PLD5: variants seen among roughly 807,000 people sequenced by gnomAD.
PLD5 encodes inactive phospholipase D5.
PLD5 carries 36 observed loss-of-function variants against 61.1 expected under a neutral mutation model. That is an observed-to-expected ratio of 0.59 (90% CI 0.45 to 0.78). The LOEUF (loss-of-function observed/expected upper bound fraction) is 0.78, where lower values mean the gene tolerates loss of function less well. Among genes scored for constraint, PLD5 ranks in the 30% least tolerant of loss-of-function variants. PLD5 has a pLI of 0.00. For missense variants in PLD5, 515 were observed against 644.4 expected, an observed-to-expected ratio of 0.80 and a Z score of 2.17; for synonymous variants, 243 against 242.8, an observed-to-expected ratio of 1.00 and a Z score of -0.01.
intron 5 of PLD5, among the ~76,000 whole-genome samples, chr1:242,216,181 CA>C (rs1670184272): frequency 6.6e-6 from 1 of 152,180 alleles, no homozygotes; most frequent in African/African-American, 2.4e-5. Flanking sequence ...GATGCAAAGT[CA>C]GAATAACAGC....
intron 4 of PLD5, among the ~76,000 whole-genome samples, chr1:242,227,240 T>C (rs2149028019): frequency 6.6e-6 from 1 of 152,214 alleles, no homozygotes; most frequent in Non-Finnish European, 1.5e-5. Flanking sequence ...TTTTAAGAGA[T>C]GGTCTCCCTA....
At chr1:242,255,346 G>T (rs1340252760) in intron 4 of PLD5, among the ~76,000 whole-genome samples, 3 of 152,164 alleles carry the variant, frequency 2.0e-5, no homozygotes, top group Non-Finnish European at 4.4e-5. Context: ...TTAGATTTTG[G>T]AATAATTATA....
In PLD5 at chr1:242,098,831, C is replaced by A. The variant is rs542773266; in HGVS notation, c.1354+1837G>T. Among the ~76,000 whole-genome samples the A allele has an allele frequency of 1.2e-3, 184 of 152,294 alleles. 2 individuals carry two copies. The highest frequency in any genetic ancestry group is 4.2e-3 in the African/African-American group (174 of 41,560). On this transcript the variant is annotated intron_variant, in intron 9 of 9. Coordinates refer to ENST00000536534, the MANE Select transcript of PLD5 (RefSeq NM_001372062.1). The stretch of plus-strand genomic sequence containing the variant: ...GAGTTTGCTGGAGGTCCACTCCAGA[C>A]CCTGTTTGCCTGGGTATCAGCAGTG...
At chr1:242,257,446 C>G (rs1478980950) in intron 4 of PLD5, among the ~76,000 whole-genome samples, 5 of 152,162 alleles carry the variant, frequency 3.3e-5, no homozygotes, top group Non-Finnish European at 1.5e-5. Flanking sequence ...TGTGCTGGAC[C>G]ATCAGGAGAA....
chr1:242,139,100 G>A (rs547900929), intron 5 of PLD5, among the ~76,000 whole-genome samples: 12 of 152,242 alleles, frequency 7.9e-5, no homozygotes, highest in African/African-American at 2.6e-4. Flanking sequence ...TGACAACACT[G>A]CAAGGGTTTT....
chr1:242,521,676 GA>G (rs1418397912), intron 1 of PLD5, among the ~76,000 whole-genome samples: 1 of 105,188 alleles, frequency 9.5e-6, no homozygotes, highest in African/African-American at 3.5e-5. Context: ...TGATTAGACA[GA>G]CCAGAAGGGT....
intron 1 of PLD5, among the ~76,000 whole-genome samples, chr1:242,449,645 G>A (rs1666700970): frequency 6.6e-6 from 1 of 152,080 alleles, no homozygotes; most frequent in African/African-American, 2.4e-5. Context: ...CAAGCACTGG[G>A]GACTGCTATG....
chr1:242,359,947 CAGAG>C (rs961986486), intron 1 of PLD5, among the ~76,000 whole-genome samples: 3 of 151,954 alleles, frequency 2.0e-5, no homozygotes, highest in African/African-American at 7.3e-5. Flanking sequence ...TTATGTGTAA[CAGAG>C]AGGCAGAGAG....
intron 1 of PLD5, among the ~76,000 whole-genome samples, chr1:242,359,171 TGTTTC>T (rs1173520220): frequency 1.3e-5 from 2 of 152,190 alleles, no homozygotes; most frequent in Non-Finnish European, 2.9e-5. Flanking sequence ...CTCCTTGCTT[TGTTTC>T]GTTGTGACCC....
chr1:242,377,375 C>T, intron 1 of PLD5: 2 of 1,517,504 alleles, frequency 1.3e-6, no homozygotes, highest in Non-Finnish European at 1.8e-6. Context: ...GAGACCTGAA[C>T]TCCAAAACTG....
At chr1:242,225,412 C>T (rs189999934) in intron 4 of PLD5, among the ~76,000 whole-genome samples, 2 of 149,870 alleles carry the variant, frequency 1.3e-5, no homozygotes, top group East Asian at 4.0e-4. Context: ...CCCATTCATG[C>T]TGTTATGTGG....
chr1:242,413,757 G>A lies in PLD5; in HGVS notation c.190-65515C>T, dbSNP rs113612791. ...GGAAGAGGCAGGCATCCCAGGCTGA[G>A]TGACTAGCTGAGCGCACCAGCAGAG... is the stretch of plus-strand genomic sequence containing the variant. On this transcript the variant is annotated intron_variant, in intron 1 of 9. Coordinates refer to ENST00000536534, the MANE Select transcript of PLD5 (RefSeq NM_001372062.1). 3.9e-3 allele frequency among the ~76,000 whole-genome samples: 588 copies of A among 152,310 alleles called. 5 individuals carry two copies. The highest frequency in any genetic ancestry group is 0.013 in the African/African-American group (559 of 41,570).
At chr1:242,505,358 A>T (rs1333806380) in intron 1 of PLD5, among the ~76,000 whole-genome samples, 3 of 152,140 alleles carry the variant, frequency 2.0e-5, no homozygotes, top group African/African-American at 7.2e-5. Context: ...CTGAACAAGG[A>T]TGAGTTTCCC....
chr1:242,400,461 A>C (rs1400281156), intron 1 of PLD5, among the ~76,000 whole-genome samples: 1 of 152,134 alleles, frequency 6.6e-6, no homozygotes, highest in Admixed American at 6.5e-5. Context: ...TCAATTATGC[A>C]AAGAGTAAAT....
chr1:242,360,318 A>G (rs1174146555), intron 1 of PLD5, among the ~76,000 whole-genome samples: 1 of 151,814 alleles, frequency 6.6e-6, no homozygotes, highest in African/African-American at 2.4e-5. Flanking sequence ...TGATAAATAC[A>G]CCCTAATGAA....
chr1:242,455,376 A>AT (rs34233323), intron 1 of PLD5, among the ~76,000 whole-genome samples: 1 of 152,132 alleles, frequency 6.6e-6, no homozygotes, highest in African/African-American at 2.4e-5. Context: ...CTACGCCCCA[A>AT]TTTTTTTGAC....
intron 3 of PLD5, among the ~76,000 whole-genome samples, chr1:242,285,219 T>TGAACATCTAGAAAGAA (rs1674952921): frequency 6.6e-6 from 1 of 152,234 alleles, no homozygotes; most frequent in South Asian, 2.1e-4. Flanking sequence ...ACATCTAGCA[T>TGAACATCTAGAAAGAA]CTACCTTTCT....
At chr1:242,217,186 C>A (rs1165693032) in intron 5 of PLD5, among the ~76,000 whole-genome samples, 22 of 152,336 alleles carry the variant, frequency 1.4e-4, no homozygotes, top group South Asian at 2.1e-4. Context: ...ATTCATTCTG[C>A]AGCCCAGGGA....
intron 4 of PLD5, among the ~76,000 whole-genome samples, chr1:242,254,488 G>A (rs1378944145): frequency 2.6e-5 from 4 of 152,106 alleles, no homozygotes; most frequent in Non-Finnish European, 5.9e-5. Flanking sequence ...TGGCCAACAT[G>A]GCGAAACCCC....
Sources: gnomAD v4.1 joint callset for allele counts (sites outside exome capture counted in the v4.1 genomes callset) on GRCh38, gnomAD v4.1.1 for gene constraint, MANE v1.5 for transcripts, NCBI Gene and HGNC (gene_info 2026-07-23, HGNC 2026-07-21) for gene names.